Variants in RIT2 observed in about 807,000 individuals in gnomAD.
RIT2 encodes GTP-binding protein Rit2.
In RIT2, 24 loss-of-function variants were observed where a neutral mutation model predicts 23.7. The ratio of observed to expected loss-of-function variants is 1.01; its 90% CI spans 0.73 to 1.43. The LOEUF (loss-of-function observed/expected upper bound fraction) is 1.43, where lower values mean the gene tolerates loss of function less well. Among genes scored for constraint, RIT2 ranks in the 40% most tolerant of loss-of-function variants. The probability of loss-of-function intolerance (pLI) is 0.00; values close to 1 mark genes in which losing one functional copy is unlikely to be tolerated. For synonymous variants in RIT2, 107 were observed against 91.1 expected, an observed-to-expected ratio of 1.17 and a Z score of -0.99; for missense variants, 236 against 266.9, an observed-to-expected ratio of 0.88 and a Z score of 0.81.
At chr18:42,950,605 C>T (rs1598727323) in intron 3 of RIT2, among the ~76,000 whole-genome samples, 1 of 152,060 alleles carries the variant, frequency 6.6e-6, no homozygotes, top group East Asian at 1.9e-4. Context: ...AGTAAACAGA[C>T]AACTTACAGA....
rs138468104 is a variant in RIT2, at chr18:42,895,192, TA to T, written c.426+28379del. 2.7e-3 allele frequency among the ~76,000 whole-genome samples: 413 copies of T among 152,326 alleles called. 10 individuals carry two copies. The East Asian group carries it at 0.059, about 22-fold the overall frequency. On this transcript the variant is annotated intron_variant, in intron 4 of 4. Transcript: ENST00000326695. Reference sequence around the variant, plus strand: ...TCCTAGTAGTCTTTGTTTTTTTTTCTAGTAATTCTTGTAGTGACTTAAATTG... The same window carrying T: ...TCCTAGTAGTCTTTGTTTTTTTTTCTGTAATTCTTGTAGTGACTTAAATTG...
chr18:43,090,102 A>G (rs1913385494), intron 1 of RIT2, among the ~76,000 whole-genome samples: 1 of 152,182 alleles, frequency 6.6e-6, no homozygotes, highest in African/African-American at 2.4e-5. Flanking sequence ...GTGAACAGAC[A>G]ACCTACAAAA....
chr18:42,878,565 C>CTGTGTGTGTGTGTG (rs71371607), intron 4 of RIT2, among the ~76,000 whole-genome samples: 68 of 147,608 alleles, frequency 4.6e-4, no homozygotes, highest in African/African-American at 1.6e-3. Context: ...AGATTCAACT[C>CTGTGTGTGTGTGTG]TGTGTGTGTG....
chr18:43,057,945 T>G (rs1912548605), intron 1 of RIT2, among the ~76,000 whole-genome samples: 2 of 152,076 alleles, frequency 1.3e-5, no homozygotes, highest in Non-Finnish European at 2.9e-5. Context: ...TTTTGGACTT[T>G]CTGGATCTGT....
At chr18:43,056,953 G>A (rs541444259) in intron 1 of RIT2, among the ~76,000 whole-genome samples, 76 of 149,734 alleles carry the variant, frequency 5.1e-4, no homozygotes, top group Non-Finnish European at 9.6e-4. Context: ...TATAATCATG[G>A]GATTTTTCTT....
At chr18:42,884,710 T>C (rs1273535931) in intron 4 of RIT2, among the ~76,000 whole-genome samples, 3 of 152,188 alleles carry the variant, frequency 2.0e-5, no homozygotes, top group Non-Finnish European at 4.4e-5. Context: ...AAATGCTACC[T>C]GACAAGCATG....
At position 42,845,024 on chromosome 18, in the gene RIT2, T is replaced by A. The variant is rs534564266; in HGVS notation, c.426+78548A>T. Among the ~76,000 whole-genome samples, 24 of 152,262 alleles carry A rather than the reference T, an allele frequency of 1.6e-4. 1 individual carries two copies. In the South Asian group the frequency reaches 4.8e-3, roughly 30 times the overall value. On this transcript the variant is annotated intron_variant, in intron 4 of 4. Coordinates refer to ENST00000326695, the MANE Select transcript of RIT2 (RefSeq NM_002930.4). The stretch of plus-strand genomic sequence containing the variant: ...TTGCTGTCCATTATTGCCATAAAAA[T>A]CTAAGAATGAGGGCAAATGATGCGT...
chr18:43,115,615 AAGGTTTT>A lies in RIT2; in HGVS notation c.-103_-97del. Reference sequence around the variant, plus strand: ...GCAACTCTAAAACTGTGTCAAAGCAAAGGTTTTAGTACGAGGTAAGAACCATCAGCGT... The same window carrying A: ...GCAACTCTAAAACTGTGTCAAAGCAAAGTACGAGGTAAGAACCATCAGCGT... On this transcript the variant is annotated 5_prime_UTR_variant, in exon 1 of 5. The change abolishes the stop of an existing upstream ORF in the 5' untranslated region. Transcript: ENST00000326695. 2.7e-6 allele frequency: 4 copies of A among 1,488,880 alleles called. No individual in the cohort carries two copies. Among genetic ancestry groups the A allele is most frequent in the Non-Finnish European group, 3.6e-6 (4 of 1,126,598 alleles). The allele number at this position is 1,488,880 out of a possible 1,614,324, so 92.2% of individuals were successfully genotyped here.
chr18:42,875,396 G>C (rs1440738632), intron 4 of RIT2, among the ~76,000 whole-genome samples: 2 of 151,328 alleles, frequency 1.3e-5, no homozygotes, highest in African/African-American at 4.9e-5. Context: ...GCTGGAATGA[G>C]AGAGAATATA....
At chr18:42,832,220 A>G (rs1478088674) in intron 4 of RIT2, among the ~76,000 whole-genome samples, 7 of 152,210 alleles carry the variant, frequency 4.6e-5, no homozygotes, top group African/African-American at 1.4e-4. Flanking sequence ...TTGGCATTTA[A>G]TCATTTAGTA....
At chr18:42,981,953 G>A (rs141553792) in intron 2 of RIT2, among the ~76,000 whole-genome samples, 59 of 152,228 alleles carry the variant, frequency 3.9e-4, no homozygotes, top group African/African-American at 1.3e-3. Flanking sequence ...CTTTATAATT[G>A]CAGTCCACGG....
intron 4 of RIT2, chr18:42,923,355 G>A (rs1909099248): frequency 3.7e-6 from 2 of 534,276 alleles, no homozygotes; most frequent in Non-Finnish European, 6.7e-6. Flanking sequence ...CTAGGGGATA[G>A]GGCACTAGTA....
chr18:42,901,769 T>C (rs72906930), intron 4 of RIT2, among the ~76,000 whole-genome samples: 9 of 152,096 alleles, frequency 5.9e-5, no homozygotes, highest in Non-Finnish European at 1.0e-4. Flanking sequence ...ATATACAAGT[T>C]TATTGGCGTG....
At chr18:43,073,098 A>C (rs1912934674) in intron 1 of RIT2, among the ~76,000 whole-genome samples, 1 of 152,192 alleles carries the variant, frequency 6.6e-6, no homozygotes, top group African/African-American at 2.4e-5. Flanking sequence ...ACGAGGGTGT[A>C]GAACTCCTCA....
intron 1 of RIT2, among the ~76,000 whole-genome samples, chr18:43,077,959 C>T (rs1913065175): frequency 6.6e-6 from 1 of 152,024 alleles, no homozygotes; most frequent in African/African-American, 2.4e-5. Flanking sequence ...GTTAATATTG[C>T]CATCATATTC....
chr18:42,973,643 C>T (rs1054249868), intron 3 of RIT2, among the ~76,000 whole-genome samples: 10 of 151,578 alleles, frequency 6.6e-5, no homozygotes, highest in African/African-American at 2.4e-4. Context: ...CATAGTAGAC[C>T]ATACTAAATC....
chr18:43,004,675 T>C (rs752940692), intron 2 of RIT2, among the ~76,000 whole-genome samples: 4 of 151,824 alleles, frequency 2.6e-5, no homozygotes, highest in Non-Finnish European at 4.4e-5. Flanking sequence ...TTCATACTCA[T>C]CCTCCAGGAC....
chr18:43,037,515 A>T (rs1267327136), intron 1 of RIT2, among the ~76,000 whole-genome samples: 2 of 152,146 alleles, frequency 1.3e-5, no homozygotes, highest in Non-Finnish European at 2.9e-5. Context: ...GTACCAATTT[A>T]AAATTTGTTT....
intron 4 of RIT2, among the ~76,000 whole-genome samples, chr18:42,921,097 C>T (rs1598715399): frequency 6.6e-6 from 1 of 152,088 alleles, no homozygotes; most frequent in South Asian, 2.1e-4. Flanking sequence ...TGTCAGATGT[C>T]CTCATTCTTC....
Sources: gnomAD v4.1 joint callset for allele counts (sites outside exome capture counted in the v4.1 genomes callset) on GRCh38, gnomAD v4.1.1 for gene constraint, MANE v1.5 for transcripts, NCBI Gene and HGNC (gene_info 2026-07-23, HGNC 2026-07-21) for gene names.